The following CTNNBL1 variants were observed in gnomAD, a reference collection of about 807,000 sequenced individuals.
CTNNBL1 encodes the protein beta-catenin-like protein 1.
Under a neutral mutation model 72.7 loss-of-function variants are expected in CTNNBL1, and 31 were observed. The observed-to-expected ratio is 0.43, with a 90% confidence interval of 0.32 to 0.58. The LOEUF (loss-of-function observed/expected upper bound fraction) is 0.58. Among genes scored for constraint, CTNNBL1 ranks in the 20% least tolerant of loss-of-function variants. CTNNBL1 has a pLI of 0.08. For missense variants in CTNNBL1, 534 were observed against 725.1 expected (o/e 0.74, Z 3.03); for synonymous variants, 240 against 267.3 (o/e 0.90, Z 1.00).
intron 5 of CTNNBL1, among the ~76,000 whole-genome samples, chr20:37,761,722 G>T (rs1019918728): frequency 1.3e-4 from 20 of 152,234 alleles, no homozygotes; most frequent in Admixed American, 2.0e-4. Context: ...CTATCAGAGA[G>T]TGGTTCTCTG....
chr20:37,822,845 A>C (rs551571137), intron 11 of CTNNBL1, among the ~76,000 whole-genome samples: 1 of 152,330 alleles, frequency 6.6e-6, no homozygotes, highest in Non-Finnish European at 1.5e-5. Flanking sequence ...AGCACCCAGC[A>C]TGTGAATCCA....
chr20:37,731,355 C>G (rs1277936819), intron 1 of CTNNBL1, among the ~76,000 whole-genome samples: 1 of 152,122 alleles, frequency 6.6e-6, no homozygotes, highest in Non-Finnish European at 1.5e-5. Context: ...CCTGCCTCAG[C>G]CTCCCAAGTA....
chr20:37,842,918 A>T (rs1336045384), intron 13 of CTNNBL1, among the ~76,000 whole-genome samples: 3 of 152,224 alleles, frequency 2.0e-5, no homozygotes, highest in African/African-American at 7.2e-5. Context: ...ATTGCAGCCA[A>T]GCCAAACCGC....
chr20:37,842,160 C>T, intron 12 of CTNNBL1, 179 bp from the exon 13 acceptor site: 1 of 592,792 alleles, frequency 1.7e-6, no homozygotes, highest in South Asian at 2.1e-5. Context: ...TGTTCTGCCC[C>T]AGCCCTTTGA....
At chr20:37,838,636 C>T (rs1296507830) in intron 11 of CTNNBL1, among the ~76,000 whole-genome samples, 1 of 152,094 alleles carries the variant, frequency 6.6e-6, no homozygotes, top group African/African-American at 2.4e-5. Flanking sequence ...ACCTGTAATC[C>T]CAGCACTTTG....
chr20:37,738,866 CAG>C (rs1273036055), intron 3 of CTNNBL1, among the ~76,000 whole-genome samples: 2 of 152,164 alleles, frequency 1.3e-5, no homozygotes, highest in African/African-American at 4.8e-5. Flanking sequence ...TCAGCGGGCA[CAG>C]AGTCTTCATG....
intron 10 of CTNNBL1, among the ~76,000 whole-genome samples, chr20:37,797,193 C>T (rs1178848366): frequency 6.6e-6 from 1 of 152,098 alleles, no homozygotes; most frequent in Middle Eastern, 3.2e-3. Context: ...TCATAGAAAT[C>T]CTGAATCCTG....
intron 7 of CTNNBL1, among the ~76,000 whole-genome samples, chr20:37,772,313 G>T (rs2073532211): frequency 6.6e-6 from 1 of 152,152 alleles, no homozygotes. Flanking sequence ...CTGCAAAGTT[G>T]GAGTGGAGCC....
chr20:37,695,637 A>G (rs1375560266), intron 1 of CTNNBL1, among the ~76,000 whole-genome samples: 1 of 152,234 alleles, frequency 6.6e-6, no homozygotes, highest in East Asian at 1.9e-4. Context: ...GGTGATTAAG[A>G]GCCATGAGTC....
chr20:37,871,331 C>T (rs548375995), intron 15 of CTNNBL1, among the ~76,000 whole-genome samples: 1 of 152,178 alleles, frequency 6.6e-6, no homozygotes, highest in Non-Finnish European at 1.5e-5. Context: ...ATCCCTGAGA[C>T]TGGGTAATTT....
At chr20:37,822,118 G>T (rs904529731) in intron 11 of CTNNBL1, among the ~76,000 whole-genome samples, 1 of 152,282 alleles carries the variant, frequency 6.6e-6, no homozygotes, top group African/African-American at 2.4e-5. Flanking sequence ...GAATAAATCT[G>T]TATTTTCTGC....
At chr20:37,786,214 C>G (rs2073672226) in intron 10 of CTNNBL1, among the ~76,000 whole-genome samples, 2 of 152,176 alleles carry the variant, frequency 1.3e-5, no homozygotes, top group African/African-American at 4.8e-5. Flanking sequence ...ATTCCTGAAG[C>G]CAGCACAGCA....
chr20:37,766,149 G>T (rs374007823), intron 6 of CTNNBL1, among the ~76,000 whole-genome samples: 1 of 152,142 alleles, frequency 6.6e-6, no homozygotes. Flanking sequence ...ATGGGCACCT[G>T]GGGGGAAGAG....
intron 10 of CTNNBL1, among the ~76,000 whole-genome samples, chr20:37,791,015 T>C (rs1040957105): frequency 2.6e-5 from 4 of 152,242 alleles, no homozygotes; most frequent in Non-Finnish European, 5.9e-5. Context: ...TCATACAGTG[T>C]GTTCCTTTTT....
intron 1 of CTNNBL1, among the ~76,000 whole-genome samples, chr20:37,725,641 A>T (rs560886745): frequency 8.0e-5 from 12 of 149,952 alleles, no homozygotes; most frequent in African/African-American, 2.9e-4. Flanking sequence ...AGAAATAGGG[A>T]GCTCAGTGTG....
chr20:37,801,275 A>G (rs556515550), intron 10 of CTNNBL1, among the ~76,000 whole-genome samples: 1 of 152,024 alleles, frequency 6.6e-6, no homozygotes, highest in Non-Finnish European at 1.5e-5. Context: ...TTTTGGAAGC[A>G]GAACCCATTT....
chr20:37,795,187 T>A (rs1417890598), intron 10 of CTNNBL1, among the ~76,000 whole-genome samples: 2 of 151,722 alleles, frequency 1.3e-5, no homozygotes, highest in African/African-American at 4.8e-5. Context: ...CAGGCTGGCA[T>A]GCAGTGATGC....
intron 1 of CTNNBL1, chr20:37,727,259 T>C: frequency 1.3e-6 from 1 of 757,506 alleles, no homozygotes; most frequent in Non-Finnish European, 1.6e-6. Flanking sequence ...TTTTTTTAAC[T>C]CCTTCAAAGC....
At chr20:37,827,981 T>C (rs953679827) in intron 11 of CTNNBL1, among the ~76,000 whole-genome samples, 10 of 152,188 alleles carry the variant, frequency 6.6e-5, no homozygotes, top group Non-Finnish European at 1.3e-4. Flanking sequence ...TGGTCTGGAA[T>C]GCGTTTCCCC....
Sources: allele counts gnomAD v4.1 joint callset (sites outside exome capture counted in the v4.1 genomes callset), GRCh38; gene constraint gnomAD v4.1.1; transcripts MANE v1.5; gene names NCBI Gene and HGNC (gene_info 2026-07-23, HGNC 2026-07-21).